The following MAP2 variants were observed in gnomAD, a reference collection of about 807,000 sequenced individuals.
MAP2 encodes microtubule-associated protein 2.
MAP2 carries 14 observed loss-of-function variants against 137.6 expected under a neutral mutation model. The observed-to-expected ratio is 0.10, with a 90% confidence interval of 0.07 to 0.16. MAP2 has a LOEUF of 0.16. Among genes scored for constraint, MAP2 ranks in the 10% least tolerant of loss-of-function variants. The probability of loss-of-function intolerance (pLI) is 1.00; values close to 1 mark genes in which losing one functional copy is unlikely to be tolerated. For synonymous variants in MAP2, 786 were observed against 782.3 expected (o/e 1.00, Z -0.08); for missense variants, 2,088 against 2,191.5 (o/e 0.95, Z 0.94).
At chr2:209,512,556 T>TACAC (rs150144839) in intron 2 of MAP2, among the ~76,000 whole-genome samples, 2,659 of 144,822 alleles carry the variant, frequency 0.018, 41 homozygotes, top group Admixed American at 0.052. Flanking sequence ...CCAGAAGTTA[T>TACAC]ACACACACAC....
intron 1 of MAP2, among the ~76,000 whole-genome samples, chr2:209,483,268 AAGAAG>A (rs1362377909): frequency 6.6e-6 from 1 of 152,200 alleles, no homozygotes; most frequent in Non-Finnish European, 1.5e-5. Flanking sequence ...AAATGTCTGA[AAGAAG>A]AGAAGAATGT....
chr2:209,621,188 G>C (rs754024689), intron 3 of MAP2, among the ~76,000 whole-genome samples: 7 of 151,368 alleles, frequency 4.6e-5, no homozygotes, highest in Admixed American at 1.3e-4. Flanking sequence ...GGGCAACAAG[G>C]GTGAAACCAA....
rs755708 is a variant in MAP2, at chr2:209,693,389, G to T, written c.1219G>T (p.Val407Phe). Residue 407 changes from valine to phenylalanine, a missense_variant, in exon 8 of 16, where the codon GTT becomes TTT. Physicochemically the swap from Val to Phe is conservative, Grantham distance 50. This residue lies in a region of MAP2 where 859 missense variants were observed against 794.5 expected (regional missense o/e 1.08). Coordinates refer to ENST00000682079, the MANE Select transcript of MAP2 (RefSeq NM_001375505.1). ...PVVEEHVMGKVLEEEKEAINQ... is the reference protein window; with the variant it reads ...PVVEEHVMGKFLEEEKEAINQ... Reference sequence around the variant, plus strand: ...TGTAGAAGAACATGTTATGGGGAAAGTTTTAGAGGAAGAAAAGGAGGCCAT... The same window carrying T: ...TGTAGAAGAACATGTTATGGGGAAATTTTTAGAGGAAGAAAAGGAGGCCAT... 1,164 of 1,612,078 alleles carry T rather than the reference G, an allele frequency of 7.2e-4. 6 individuals are homozygous for T. In the African/African-American group the frequency reaches 0.013, roughly 19 times the overall value.
At chr2:209,573,150 A>G (rs1315608261) in intron 2 of MAP2, among the ~76,000 whole-genome samples, 1 of 152,192 alleles carries the variant, frequency 6.6e-6, no homozygotes, top group Non-Finnish European at 1.5e-5. Flanking sequence ...AATTTGTAAT[A>G]ATCTGGAAGG....
At chr2:209,613,296 A>C (rs1215752136) in intron 3 of MAP2, among the ~76,000 whole-genome samples, 1 of 151,822 alleles carries the variant, frequency 6.6e-6, no homozygotes, top group East Asian at 1.9e-4. Context: ...TCTGTTTTCT[A>C]TAGCTGCATG....
intron 1 of MAP2, among the ~76,000 whole-genome samples, chr2:209,434,863 T>TTATA (rs58339476): frequency 1.0e-5 from 1 of 96,570 alleles, no homozygotes; most frequent in African/African-American, 3.7e-5. Context: ...TATATATATG[T>TTATA]TATATATATG....
chr2:209,722,323 A>G (rs1010546366), intron 13 of MAP2, among the ~76,000 whole-genome samples: 2 of 152,246 alleles, frequency 1.3e-5, no homozygotes, highest in Admixed American at 6.5e-5. Flanking sequence ...TGTCAATGTT[A>G]GGCAGGCACT....
rs1399963913 is a variant in MAP2, at chr2:209,730,410, T to C, written c.*13T>C. The C allele has an allele frequency of 6.2e-7, 1 of 1,600,750 alleles. No individual in the cohort carries two copies. The highest frequency in any genetic ancestry group is 8.6e-7 in the Non-Finnish European group (1 of 1,168,868). Reference sequence around the variant, plus strand: ...GCAGGGCTTGTGAATATTTCTCATTTAGCATTGAAATAATAATATTTAGGC... The same window carrying C: ...GCAGGGCTTGTGAATATTTCTCATTCAGCATTGAAATAATAATATTTAGGC... On this transcript the variant is annotated 3_prime_UTR_variant, in exon 16 of 16. Transcript: ENST00000682079.
At chr2:209,633,229 C>T (rs768031824) in intron 4 of MAP2, among the ~76,000 whole-genome samples, 3 of 152,122 alleles carry the variant, frequency 2.0e-5, no homozygotes, top group African/African-American at 4.8e-5. Flanking sequence ...CCTTGTCTGC[C>T]TTCCAAAAGC....
intron 2 of MAP2, among the ~76,000 whole-genome samples, chr2:209,557,162 G>GAATA: frequency 6.6e-6 from 1 of 152,280 alleles, no homozygotes; most frequent in East Asian, 1.9e-4. Context: ...AAAATACACT[G>GAATA]AATAAAATAC....
intron 5 of MAP2, among the ~76,000 whole-genome samples, chr2:209,659,494 T>C (rs2042411601): frequency 6.6e-6 from 1 of 152,158 alleles, no homozygotes; most frequent in South Asian, 2.1e-4. Context: ...AGAACAGCAG[T>C]TAGTTGCAGC....
intron 5 of MAP2, among the ~76,000 whole-genome samples, chr2:209,664,253 A>G (rs2045153362): frequency 6.6e-6 from 1 of 152,252 alleles, no homozygotes; most frequent in Admixed American, 6.5e-5. Flanking sequence ...TTTTGAATTA[A>G]TATAAAGAAG....
chr2:209,552,580 T>C (rs1424947388), intron 2 of MAP2, among the ~76,000 whole-genome samples: 1 of 152,164 alleles, frequency 6.6e-6, no homozygotes, highest in Admixed American at 6.5e-5. Flanking sequence ...AAATACTTAC[T>C]GGCCGGGTGG....
At position 209,730,545 on chromosome 2, in the gene MAP2, T is replaced by G. The variant is rs1364889644; in HGVS notation, c.*148T>G. On this transcript the variant is annotated 3_prime_UTR_variant, in exon 16 of 16. Transcript: ENST00000682079. ...TGTAGTAATTGTTACAATTTTCTAT[T>G]TAAAAAATGAATAGTACATGCAGAA... is the stretch of plus-strand genomic sequence containing the variant. 3.1e-6 allele frequency: 2 copies of G among 647,000 alleles called. No individual in the cohort carries two copies. Among genetic ancestry groups the G allele is most frequent in the African/African-American group, 1.8e-5 (1 of 54,694 alleles). 40.1% of individuals were successfully genotyped at this position (647,000 alleles called of 1,614,324 possible).
At chr2:209,483,997 G>T (rs1476056844) in intron 1 of MAP2, among the ~76,000 whole-genome samples, 1 of 152,076 alleles carries the variant, frequency 6.6e-6, no homozygotes, top group East Asian at 1.9e-4. Context: ...GCAGGGAGCT[G>T]GGAGCTGTAT....
intron 1 of MAP2, among the ~76,000 whole-genome samples, chr2:209,483,370 A>T (rs1049821488): frequency 6.6e-6 from 1 of 152,196 alleles, no homozygotes; most frequent in Non-Finnish European, 1.5e-5. Flanking sequence ...GTTTAAAAAA[A>T]GGTATTTAGC....
chr2:209,538,941 C>A (rs16843062), intron 2 of MAP2, among the ~76,000 whole-genome samples: 6,607 of 152,144 alleles, frequency 0.043, 180 homozygotes, highest in African/African-American at 0.08. Context: ...CTTTTAGAAT[C>A]TAGTACAGAT....
intron 5 of MAP2, among the ~76,000 whole-genome samples, chr2:209,671,387 C>T (rs2048781579): frequency 6.6e-6 from 1 of 151,904 alleles, no homozygotes; most frequent in Non-Finnish European, 1.5e-5. Flanking sequence ...AAGCAAATAA[C>T]TTTTCTTCTT....
At chr2:209,482,125 T>G (rs1708928133) in intron 1 of MAP2, among the ~76,000 whole-genome samples, 1 of 152,184 alleles carries the variant, frequency 6.6e-6, no homozygotes, top group African/African-American at 2.4e-5. Context: ...TGTTGACACT[T>G]CACTATTCTT....
Sources: allele counts gnomAD v4.1 joint callset (sites outside exome capture counted in the v4.1 genomes callset), GRCh38; gene constraint gnomAD v4.1.1; regional missense constraint gnomAD v4.1.1; transcripts MANE v1.5; gene names NCBI Gene and HGNC (gene_info 2026-07-23, HGNC 2026-07-21).